STX18: variants seen among roughly 807,000 people sequenced by gnomAD.
The protein encoded by STX18 is syntaxin-18.
A neutral mutation model predicts 50.1 loss-of-function variants in STX18; 40 were observed. The ratio of observed to expected loss-of-function variants is 0.80; its 90% CI spans 0.62 to 1.04. The LOEUF (loss-of-function observed/expected upper bound fraction) is 1.04. Ranked by LOEUF, STX18 falls within the 50% of genes least tolerant of loss-of-function variation. The probability of loss-of-function intolerance (pLI) is 0.00; values close to 1 mark genes in which losing one functional copy is unlikely to be tolerated. For missense variants in STX18, 410 were observed against 415.8 expected (o/e 0.99, Z 0.12); for synonymous variants, 158 against 151.8 (o/e 1.04, Z -0.30).
At chr4:4,437,693 T>C in intron 6 of STX18, 1 of 897,350 alleles carries the variant, frequency 1.1e-6, no homozygotes, top group Non-Finnish European at 1.3e-6. Flanking sequence ...AGGTCTCTCC[T>C]GGCTCCAGCA....
intron 1 of STX18, among the ~76,000 whole-genome samples, chr4:4,509,315 A>T (rs1450649584): frequency 1.3e-5 from 2 of 152,074 alleles, no homozygotes; most frequent in African/African-American, 4.8e-5. Flanking sequence ...ATGATCAGTG[A>T]TGCTGAGCTT....
Position 4,425,243 on chromosome 4 carries a change from T to A in STX18, c.703-21A>T, listed in dbSNP as rs761831314. 24 of 1,609,294 alleles carry A rather than the reference T, an allele frequency of 1.5e-5. No individual in the cohort carries two copies. The Admixed American group carries it at 4.0e-4, about 27-fold the overall frequency. ...TCAAACTGTGAGGAAACAGACACAC[T>A]CAGGATGACATCATACTGAACTTAG... On this transcript the variant is annotated intron_variant, in intron 7 of 10. Transcript: ENST00000306200.
intron 5 of STX18, among the ~76,000 whole-genome samples, chr4:4,441,152 A>C (rs1395155290): frequency 6.6e-6 from 1 of 152,220 alleles, no homozygotes; most frequent in East Asian, 1.9e-4. Context: ...AGTGCCTTTC[A>C]TGACCTAGCC....
chr4:4,498,812 T>C (rs1729308928), intron 1 of STX18, among the ~76,000 whole-genome samples: 1 of 152,186 alleles, frequency 6.6e-6, no homozygotes, highest in African/African-American at 2.4e-5. Context: ...GAGAGAAAGA[T>C]GTGGACAACG....
At chr4:4,454,120 G>C (rs1316640080) in intron 5 of STX18, among the ~76,000 whole-genome samples, 2 of 152,236 alleles carry the variant, frequency 1.3e-5, no homozygotes, top group Non-Finnish European at 2.9e-5. Flanking sequence ...ATGCCATGCT[G>C]TCTAGCCTTT....
chr4:4,461,348 T>C (rs1230263150), intron 2 of STX18, among the ~76,000 whole-genome samples: 2 of 152,180 alleles, frequency 1.3e-5, no homozygotes, highest in Non-Finnish European at 2.9e-5. Context: ...CTACCAGAAG[T>C]GGAGACATTA....
At chr4:4,511,673 G>A (rs892458421) in intron 1 of STX18, among the ~76,000 whole-genome samples, 2 of 150,942 alleles carry the variant, frequency 1.3e-5, no homozygotes, top group Non-Finnish European at 2.9e-5. Context: ...TTAAATATGG[G>A]ACTGAAAATA....
intron 1 of STX18, among the ~76,000 whole-genome samples, chr4:4,496,247 G>C (rs1729160178): frequency 6.6e-6 from 1 of 152,108 alleles, no homozygotes; most frequent in African/African-American, 2.4e-5. Flanking sequence ...GTAACAGAGA[G>C]GCCTAGGCAG....
At chr4:4,513,122 T>A (rs537363136) in intron 1 of STX18, among the ~76,000 whole-genome samples, 19 of 152,104 alleles carry the variant, frequency 1.2e-4, no homozygotes, top group Non-Finnish European at 2.5e-4. Flanking sequence ...TCCCAGAGAA[T>A]GAGAGGAGAC....
chr4:4,497,146 G>C (rs767044109), intron 1 of STX18, among the ~76,000 whole-genome samples: 6 of 152,144 alleles, frequency 3.9e-5, no homozygotes, highest in Non-Finnish European at 7.4e-5. Flanking sequence ...CCGGCTCCAG[G>C]GCCAGGCGAG....
At chr4:4,530,692 G>A (rs180887858) in intron 1 of STX18, among the ~76,000 whole-genome samples, 2 of 152,296 alleles carry the variant, frequency 1.3e-5, no homozygotes, top group Admixed American at 6.5e-5. Context: ...TGCAACCTCT[G>A]CTTCCCGGGT....
chr4:4,448,974 C>T (rs13136034), intron 5 of STX18, among the ~76,000 whole-genome samples: 55,624 of 150,972 alleles, frequency 0.37, 14,847 homozygotes, highest in African/African-American at 0.76. Context: ...ACTAAAAAAG[C>T]AGTAGACCAA....
intron 5 of STX18, among the ~76,000 whole-genome samples, chr4:4,442,529 A>C (rs1726172127): frequency 6.6e-6 from 1 of 152,126 alleles, no homozygotes; most frequent in South Asian, 2.1e-4. Flanking sequence ...AGGTGGGAGA[A>C]TTGCTTACGC....
intron 5 of STX18, among the ~76,000 whole-genome samples, chr4:4,439,110 AC>A (rs1044447642): frequency 9.5e-6 from 1 of 105,550 alleles, no homozygotes; most frequent in African/African-American, 3.6e-5. Flanking sequence ...CCACACACAT[AC>A]CCCCACATGT....
rs531792964 is a variant in STX18, at chr4:4,486,059, C to G, written c.169-14353G>C. On this transcript the variant is annotated intron_variant, in intron 1 of 10. Transcript: ENST00000306200. ...TGGTAACTCCCAGCTGGTTCTCTGA[C>G]TTTGGAGTCACCGGGTGATGTGCAA... 2.0e-5 allele frequency among the ~76,000 whole-genome samples: 3 copies of G among 152,336 alleles called. No homozygotes were observed. The South Asian group carries it at 6.2e-4, about 32-fold the overall frequency.
chr4:4,431,928 G>A (rs745835957), intron 7 of STX18, among the ~76,000 whole-genome samples: 5 of 152,098 alleles, frequency 3.3e-5, no homozygotes, highest in South Asian at 4.1e-4. Context: ...TCTAACCACC[G>A]ACTATACAAT....
chr4:4,491,685 T>C (rs1448016321), intron 1 of STX18, among the ~76,000 whole-genome samples: 3 of 152,152 alleles, frequency 2.0e-5, no homozygotes, highest in Non-Finnish European at 4.4e-5. Flanking sequence ...CTAACGGTTG[T>C]CTTGTGATAT....
rs574506774 is a variant in STX18, at chr4:4,465,876, C to T, written c.236+5763G>A. Among the ~76,000 whole-genome samples the T allele has an allele frequency of 5.3e-5, 8 of 152,262 alleles. No individual in the cohort carries two copies. The East Asian group carries it at 9.7e-4, about 18-fold the overall frequency. ...AGCAGCTCCATGAAGGCAGGGACAACCATGTTTGTGTTTGTTCACTATTTT... is the reference window on the plus strand; with the variant it reads ...AGCAGCTCCATGAAGGCAGGGACAATCATGTTTGTGTTTGTTCACTATTTT... On this transcript the variant is annotated intron_variant, in intron 2 of 10. Transcript: ENST00000306200.
intron 1 of STX18, among the ~76,000 whole-genome samples, chr4:4,498,537 A>G (rs1019449868): frequency 8.5e-5 from 13 of 152,180 alleles, no homozygotes; most frequent in African/African-American, 2.9e-4. Context: ...TAAAGTAAGC[A>G]CCTGTGTTTG....
Sources: gnomAD v4.1 joint callset for allele counts (sites outside exome capture counted in the v4.1 genomes callset) on GRCh38, gnomAD v4.1.1 for gene constraint, MANE v1.5 for transcripts, NCBI Gene and HGNC (gene_info 2026-07-23, HGNC 2026-07-21) for gene names.